Variants in UBE2H observed in about 807,000 individuals in gnomAD.
UBE2H encodes ubiquitin-conjugating enzyme E2 H.
In UBE2H, 3 loss-of-function variants were observed where a neutral mutation model predicts 29.0. The ratio of observed to expected loss-of-function variants is 0.10; its 90% confidence interval spans 0.05 to 0.27. The LOEUF (loss-of-function observed/expected upper bound fraction) is 0.27. UBE2H is among the 10% of genes least tolerant of loss of function. UBE2H has a pLI of 1.00. For missense variants in UBE2H, 68 were observed against 228.2 expected (o/e 0.30, Z 4.52); for synonymous variants, 69 against 82.9 (o/e 0.83, Z 0.91).
chr7:129,866,174 C>T (rs536620379), intron 3 of UBE2H, among the ~76,000 whole-genome samples: 2 of 152,280 alleles, frequency 1.3e-5, no homozygotes, highest in Admixed American at 1.3e-4. Context: ...ACTCTCAATG[C>T]CCTGTGTCAT....
intron 1 of UBE2H, among the ~76,000 whole-genome samples, chr7:129,935,852 C>A: frequency 6.6e-6 from 1 of 152,022 alleles, no homozygotes; most frequent in East Asian, 1.9e-4. Context: ...ACAAAGTTAC[C>A]AGAGTTTACT....
intron 5 of UBE2H, among the ~76,000 whole-genome samples, chr7:129,850,626 G>C (rs928499741): frequency 2.0e-5 from 3 of 152,068 alleles, no homozygotes; most frequent in African/African-American, 7.2e-5. Context: ...GACCAGCATG[G>C]CCAAGATGGT....
intron 1 of UBE2H, among the ~76,000 whole-genome samples, chr7:129,934,638 TAAAAAAA>T (rs758214225): frequency 1.5e-5 from 1 of 65,840 alleles, no homozygotes. Flanking sequence ...ACTCCGTCTT[TAAAAAAA>T]AAAAAAAAAA....
In UBE2H at chr7:129,834,727, AATGTGG is replaced by A; in HGVS notation, c.*204_*209del. The A allele has an allele frequency of 1.9e-6, 1 of 529,274 alleles. No individual in the cohort carries two copies. Among genetic ancestry groups the A allele is most frequent in the East Asian group, 3.6e-5 (1 of 28,110 alleles). The allele number at this position is 529,274 out of a possible 1,614,324, so 32.8% of individuals were successfully genotyped here. ...CAGACCGCATATTGCTACCAAATGG[AATGTGG>A]GAATATGCTATGCACCTCAGGTTGA... On this transcript the variant is annotated 3_prime_UTR_variant, in exon 7 of 7. Coordinates refer to ENST00000355621, the MANE Select transcript of UBE2H (RefSeq NM_003344.4).
intron 1 of UBE2H, among the ~76,000 whole-genome samples, chr7:129,899,884 T>C (rs1806674120): frequency 6.6e-6 from 1 of 152,160 alleles, no homozygotes; most frequent in African/African-American, 2.4e-5. Flanking sequence ...ATCCAGCACT[T>C]TGGGAGGCCG....
chr7:129,944,748 A>ACACACGCACG (rs34490269), intron 1 of UBE2H, among the ~76,000 whole-genome samples: 34 of 140,156 alleles, frequency 2.4e-4, no homozygotes, highest in African/African-American at 7.0e-4. Context: ...ACACACACAC[A>ACACACGCACG]CACGCACGCA....
chr7:129,927,368 C>T (rs1015461503), intron 1 of UBE2H, among the ~76,000 whole-genome samples: 2 of 152,018 alleles, frequency 1.3e-5, no homozygotes, highest in Non-Finnish European at 2.9e-5. Flanking sequence ...CGTGAAACCC[C>T]GTCTCTACTA....
At chr7:129,907,361 T>C (rs1242105078) in intron 1 of UBE2H, among the ~76,000 whole-genome samples, 3 of 151,792 alleles carry the variant, frequency 2.0e-5, no homozygotes, top group African/African-American at 7.3e-5. Flanking sequence ...AGCCAGACTT[T>C]AAGGAAAGGC....
intron 2 of UBE2H, 77 bp downstream of exon 2, chr7:129,880,818 C>T: frequency 1.5e-6 from 2 of 1,324,322 alleles, no homozygotes; most frequent in Non-Finnish European, 2.1e-6. Context: ...CGCATGCTAC[C>T]ATCTGTCTTT....
chr7:129,903,076 C>T (rs1281626194), intron 1 of UBE2H, among the ~76,000 whole-genome samples: 1 of 152,204 alleles, frequency 6.6e-6, no homozygotes, highest in South Asian at 2.1e-4. Flanking sequence ...AATGCATATG[C>T]AACCTAGTGC....
intron 3 of UBE2H, among the ~76,000 whole-genome samples, chr7:129,867,145 AATTTTT>A (rs1245950574): frequency 6.6e-6 from 1 of 152,192 alleles, no homozygotes; most frequent in Non-Finnish European, 1.5e-5. Context: ...ATACAATTAT[AATTTTT>A]ATTTTTAATA....
intron 1 of UBE2H, among the ~76,000 whole-genome samples, chr7:129,926,114 T>A (rs1584790333): frequency 1.3e-5 from 2 of 152,326 alleles, no homozygotes; most frequent in South Asian, 4.1e-4. Flanking sequence ...CTATAGTTAT[T>A]CCACTGTATT....
chr7:129,840,952 G>C (rs993474138), intron 5 of UBE2H, among the ~76,000 whole-genome samples: 1 of 152,272 alleles, frequency 6.6e-6, no homozygotes, highest in African/African-American at 2.4e-5. Context: ...GCAATGTCTA[G>C]AGACATTTTT....
chr7:129,852,139 TTTC>T (rs770387591), intron 5 of UBE2H, among the ~76,000 whole-genome samples: 1 of 152,190 alleles, frequency 6.6e-6, no homozygotes, highest in Non-Finnish European at 1.5e-5. Context: ...CATACATGTA[TTTC>T]TTATCTGTGT....
chr7:129,874,913 CAG>C (rs1423677807), intron 3 of UBE2H, among the ~76,000 whole-genome samples: 1 of 152,072 alleles, frequency 6.6e-6, no homozygotes, highest in Non-Finnish European at 1.5e-5. Flanking sequence ...GGAAGGAAAA[CAG>C]TGTGTGCACT....
chr7:129,928,025 T>TAA (rs71175049), intron 1 of UBE2H, among the ~76,000 whole-genome samples: 8,005 of 128,382 alleles, frequency 0.062, 291 homozygotes, highest in Non-Finnish European at 0.092. Flanking sequence ...ATCTCAAAAT[T>TAA]AAAAAAAAAA....
chr7:129,922,187 C>T (rs1160824373), intron 1 of UBE2H, among the ~76,000 whole-genome samples: 3 of 152,050 alleles, frequency 2.0e-5, no homozygotes, highest in African/African-American at 7.2e-5. Context: ...GGGTTTCTGC[C>T]ATGTTGGCCA....
At chr7:129,939,589 A>G (rs1807599956) in intron 1 of UBE2H, among the ~76,000 whole-genome samples, 1 of 152,232 alleles carries the variant, frequency 6.6e-6, no homozygotes, top group Non-Finnish European at 1.5e-5. Context: ...TACAATGGAA[A>G]TGTCCAACCA....
intron 1 of UBE2H, among the ~76,000 whole-genome samples, chr7:129,907,265 G>A (rs1156314630): frequency 6.6e-6 from 1 of 152,154 alleles, no homozygotes; most frequent in Non-Finnish European, 1.5e-5. Context: ...AGTTGCGATA[G>A]TTAAGTGCCA....
Sources: gnomAD v4.1 joint callset for allele counts (sites outside exome capture counted in the v4.1 genomes callset) on GRCh38, gnomAD v4.1.1 for gene constraint, MANE v1.5 for transcripts, NCBI Gene and HGNC (gene_info 2026-07-23, HGNC 2026-07-21) for gene names.